Variants in HCN2 observed in about 807,000 individuals in gnomAD.
HCN2 encodes the protein hyperpolarization activated cyclic nucleotide gated potassium and sodium channel 2, also known as potassium/sodium hyperpolarization-activated cyclic nucleotide-gated channel 2.
Under a neutral mutation model 52.3 loss-of-function variants are expected in HCN2, and 20 were observed. The ratio of observed to expected loss-of-function variants is 0.38; its 90% confidence interval spans 0.27 to 0.56. The LOEUF (loss-of-function observed/expected upper bound fraction) is 0.56, where lower values mean the gene tolerates loss of function less well. Ranked by LOEUF, HCN2 falls within the 20% of genes least tolerant of loss-of-function variation. The pLI, the probability that HCN2 is intolerant of heterozygous loss-of-function variation, is 0.71. For missense variants in HCN2, 981 were observed against 1,207.7 expected (o/e 0.81, Z 2.78); for synonymous variants, 694 against 537.0 (o/e 1.29, Z -4.04).
chr19:610,062 G>C (rs1480180293), intron 4 of HCN2, among the ~76,000 whole-genome samples, 197 bp from the exon 5 acceptor site: 1 of 149,944 alleles, frequency 6.7e-6, no homozygotes, highest in Non-Finnish European at 1.5e-5. Context: ...ACCCCCCACA[G>C]TACAAGCAGG....
intron 7 of HCN2, among the ~76,000 whole-genome samples, chr19:614,269 T>G (rs1600540003): frequency 6.6e-6 from 1 of 152,134 alleles, no homozygotes; most frequent in Admixed American, 6.5e-5. Flanking sequence ...TGACCTATTG[T>G]CCTACTTCAG....
Position 594,965 on chromosome 19 carries a change from C to T in HCN2, c.632+4388C>T, listed in dbSNP as rs151304155. 9.7e-3 allele frequency among the ~76,000 whole-genome samples: 1,471 copies of T among 152,164 alleles called. 24 individuals are homozygous for T. Among genetic ancestry groups the T allele is most frequent in the African/African-American group, 0.034 (1,413 of 41,516 alleles). Reference sequence around the variant, plus strand: ...CCTGTAATGCCAGTACTTTGGGAGGCGGAGGCGGGAGGATCGCTTGAGCCC... The same window carrying T: ...CCTGTAATGCCAGTACTTTGGGAGGTGGAGGCGGGAGGATCGCTTGAGCCC... On this transcript the variant is annotated intron_variant, in intron 1 of 7. Transcript: ENST00000251287.
chr19:597,749 T>C (rs1018808429), intron 1 of HCN2, among the ~76,000 whole-genome samples: 1 of 151,330 alleles, frequency 6.6e-6, no homozygotes, highest in African/African-American at 2.4e-5. Flanking sequence ...GGTTTCTAGG[T>C]CCTCCTGGTG....
intron 4 of HCN2, among the ~76,000 whole-genome samples, 168 bp from the exon 5 acceptor site, chr19:610,091 C>T (rs965921611): frequency 2.0e-4 from 30 of 151,798 alleles, no homozygotes; most frequent in Admixed American, 3.9e-4. Flanking sequence ...CCTATCTCCC[C>T]GCCACAGGCC....
rs1600530101 is a variant in HCN2, at chr19:608,055, G to A, written c.1310G>A (p.Ser437Asn). ...CIGYGRQAPE[S>N]MTDIWLTMLS... ...GGGTACGGCCGGCAGGCGCCCGAGA[G>A]CATGACGGACATCTGGCTGACCATG... The change falls in exon 4 of 8, where the codon AGC (serine) becomes AAC (asparagine). Residue 437 changes from serine (S) to asparagine (N), a missense_variant. Coordinates refer to ENST00000251287, the MANE Select transcript of HCN2 (RefSeq NM_001194.4). 1.2e-6 allele frequency: 2 copies of A among 1,613,064 alleles called. No individual in the cohort carries two copies. The highest frequency in any genetic ancestry group is 1.7e-6 in the Non-Finnish European group (2 of 1,180,028).
At chr19:594,558 C>T (rs1982966982) in intron 1 of HCN2, among the ~76,000 whole-genome samples, 1 of 152,182 alleles carries the variant, frequency 6.6e-6, no homozygotes, top group African/African-American at 2.4e-5. Context: ...CAAGACCCCA[C>T]CAGGACAGGC....
intron 2 of HCN2, among the ~76,000 whole-genome samples, chr19:604,571 G>C (rs1324659590): frequency 6.8e-6 from 1 of 147,986 alleles, no homozygotes; most frequent in African/African-American, 2.5e-5. Flanking sequence ...GGGGCTATGA[G>C]GGTTGTGCTG....
rs912246639 is a variant in HCN2 at position 592,720 on chromosome 19, T to A, written c.632+2143T>A. 6.6e-6 allele frequency among the ~76,000 whole-genome samples: 1 copy of A among 152,092 alleles called. No individual in the cohort carries two copies. Among genetic ancestry groups the A allele is most frequent in the Admixed American group, 6.5e-5 (1 of 15,276 alleles). ...GGACCCTCCCCAGGCTTGGGACCTG[T>A]GCCAGTGTGGAATCAGTGTGGAAAA... On this transcript the variant is annotated intron_variant, in intron 1 of 7. Coordinates refer to ENST00000251287, the MANE Select transcript of HCN2 (RefSeq NM_001194.4). This position sits in a 1 kb window ranked among gnomAD's most constrained non-coding sequence, Gnocchi z 4.8.
Position 606,893 on chromosome 19 carries a change from C to T in HCN2, c.1219-1071C>T, listed in dbSNP as rs554506714. Among the ~76,000 whole-genome samples the T allele has an allele frequency of 3.5e-3, 519 of 149,062 alleles. 3 individuals are homozygous for T. The highest frequency in any genetic ancestry group is 4.5e-3 in the Non-Finnish European group (308 of 67,728). On this transcript the variant is annotated intron_variant, in intron 3 of 7. Transcript: ENST00000251287. ...ATAAGTAAAAGCAAAAGGAAGAGGC[C>T]GGGCGCGGTGGCTCACGCCTGTAAT...
Position 617,107 on chromosome 19 carries a change from CCATTAACCCCCACA to C in HCN2, c.*635_*648del. 1.8e-6 allele frequency: 1 copy of C among 545,168 alleles called. No individual in the cohort carries two copies. The highest frequency in any genetic ancestry group is 3.3e-6 in the Non-Finnish European group (1 of 305,996). 33.8% of individuals were successfully genotyped at this position (545,168 alleles called of 1,614,324 possible). ...TGCCCCCACCGTGGCCCCCCACGCC[CCATTAACCCCCACA>C]CCCCCATTCCGCGCAATAAACGACA... On this transcript the variant is annotated 3_prime_UTR_variant, in exon 8 of 8. Coordinates refer to ENST00000251287, the MANE Select transcript of HCN2 (RefSeq NM_001194.4).
Position 589,957 on chromosome 19 carries a change from C to G in HCN2, c.12C>G (p.Arg4=). 3 of 919,088 alleles carry G rather than the reference C, an allele frequency of 3.3e-6. No homozygotes were observed. The highest frequency in any genetic ancestry group is 3.8e-6 in the Non-Finnish European group (3 of 784,344). 56.9% of individuals were successfully genotyped at this position (919,088 alleles called of 1,614,324 possible). ...GGCGCCGCCTCGCCATGGACGCGCG[C>G]GGGGGCGGCGGGCGGCCCGGGGAGA... The part of the protein sequence containing the change: MDA[R]GGGGRPGESP... Residue 4 remains arginine (R), a synonymous_variant, in exon 1 of 8, where the codon CGC becomes CGG. Coordinates refer to ENST00000251287, the MANE Select transcript of HCN2 (RefSeq NM_001194.4).
rs1177049000 is a variant in HCN2 at position 605,301 on chromosome 19, T to TCAAGTGGCGCGCTCAGGGCAGAG, written c.1218+79_1218+80insCAAGTGGCGCGCTCAGGGCAGAG. The TCAAGTGGCGCGCTCAGGGCAGAG allele has an allele frequency of 4.3e-3, 5,994 of 1,389,346 alleles. 115 individuals are homozygous for TCAAGTGGCGCGCTCAGGGCAGAG. Among genetic ancestry groups the TCAAGTGGCGCGCTCAGGGCAGAG allele is most frequent in the Admixed American group, 0.012 (550 of 44,840 alleles). 86.1% of individuals were successfully genotyped at this position (1,389,346 alleles called of 1,614,324 possible). On this transcript the variant is annotated intron_variant, in intron 3 of 7. Coordinates refer to ENST00000251287, the MANE Select transcript of HCN2 (RefSeq NM_001194.4). ...GGGACCCAGGCCCCCTTATCCCGCT[T>TCAAGTGGCGCGCTCAGGGCAGAG]ACAGAGGGTTGAACCCAAGCCTTTC...
chr19:608,635 G>C (rs117364949), intron 4 of HCN2, among the ~76,000 whole-genome samples: 13,538 of 151,792 alleles, frequency 0.089, 895 homozygotes, highest in Admixed American at 0.2. Context: ...GGTGAGTTGG[G>C]ATCAGGGCAG....
At chr19:597,446 A>G (rs1983062606) in intron 1 of HCN2, among the ~76,000 whole-genome samples, 1 of 152,134 alleles carries the variant, frequency 6.6e-6, no homozygotes, top group Non-Finnish European at 1.5e-5. Context: ...AAAACCAGGT[A>G]CCCCTTGGCG....
intron 4 of HCN2, among the ~76,000 whole-genome samples, chr19:608,663 G>A (rs1164036478): frequency 3.3e-5 from 5 of 152,086 alleles, no homozygotes. Flanking sequence ...TCAGTCTTTG[G>A]ACATCGGGAA....
chr19:601,797 G>A (rs1404696176), intron 1 of HCN2, among the ~76,000 whole-genome samples: 1 of 152,058 alleles, frequency 6.6e-6, no homozygotes, highest in Non-Finnish European at 1.5e-5. Context: ...CTCCTGTGTG[G>A]ACGCGGCACT....
At chr19:595,284 A>G (rs1243128857) in intron 1 of HCN2, among the ~76,000 whole-genome samples, 1 of 112,398 alleles carries the variant, frequency 8.9e-6, no homozygotes, top group Non-Finnish European at 1.9e-5. Flanking sequence ...GCCCTGCCTC[A>G]CCCCCCACCC....
intron 2 of HCN2, among the ~76,000 whole-genome samples, chr19:604,859 C>T (rs1465096462): frequency 0.015 from 1,059 of 72,786 alleles, 33 homozygotes; most frequent in African/African-American, 0.053. Context: ...TAGAGGTGGG[C>T]GGGGTCCTGG....
At chr19:609,575 GAGCAACA>G (rs1983537005) in intron 4 of HCN2, among the ~76,000 whole-genome samples, 1 of 152,232 alleles carries the variant, frequency 6.6e-6, no homozygotes, top group South Asian at 2.1e-4. Context: ...AGACCAGCCT[GAGCAACA>G]CGGCGAGACC....
Sources: allele counts gnomAD v4.1 joint callset (sites outside exome capture counted in the v4.1 genomes callset), GRCh38; gene constraint gnomAD v4.1.1; non-coding constraint Gnocchi (gnomAD v3.1); transcripts MANE v1.5; gene names NCBI Gene and HGNC (gene_info 2026-07-23, HGNC 2026-07-21).